Variants in AATF observed in about 807,000 individuals in gnomAD.
AATF encodes apoptosis antagonizing transcription factor, also known as protein AATF.
Under a neutral mutation model 63.7 loss-of-function variants are expected in AATF, and 48 were observed. That is an observed-to-expected ratio of 0.75 (90% CI 0.60 to 0.96). The LOEUF is 0.96. Ranked by LOEUF, AATF falls within the 40% of genes least tolerant of loss-of-function variation. The probability of loss-of-function intolerance (pLI) is 0.00; values close to 1 mark genes in which losing one functional copy is unlikely to be tolerated. For synonymous variants in AATF, 258 were observed against 247.7 expected (o/e 1.04, Z -0.39); for missense variants, 639 against 685.7 (o/e 0.93, Z 0.76).
chr17:37,032,713 C>T (rs1461478230), intron 11 of AATF, among the ~76,000 whole-genome samples: 2 of 152,032 alleles, frequency 1.3e-5, no homozygotes, highest in East Asian at 3.9e-4. Context: ...TCAGTATTTT[C>T]CTGTTTTTCT....
chr17:37,002,345 A>C (rs892284958), intron 8 of AATF, among the ~76,000 whole-genome samples: 1 of 152,126 alleles, frequency 6.6e-6, no homozygotes, highest in Admixed American at 6.6e-5. Flanking sequence ...GAATGACCTC[A>C]AAAGGAAATT....
intron 4 of AATF, among the ~76,000 whole-genome samples, chr17:36,961,035 GCACA>G (rs148947304): frequency 1.3e-5 from 2 of 151,424 alleles, no homozygotes; most frequent in African/African-American, 2.4e-5. Flanking sequence ...CTTTTCGCGT[GCACA>G]CACACACACA....
intron 8 of AATF, among the ~76,000 whole-genome samples, chr17:36,995,551 A>G (rs1041516820): frequency 1.3e-5 from 2 of 151,902 alleles, no homozygotes; most frequent in Non-Finnish European, 2.9e-5. Flanking sequence ...TGTTGTTTTT[A>G]TTTATCGATT....
intron 4 of AATF, among the ~76,000 whole-genome samples, chr17:36,976,446 A>G (rs1339015698): frequency 2.6e-5 from 4 of 152,216 alleles, no homozygotes; most frequent in African/African-American, 2.4e-5. Flanking sequence ...TTTTAAGGAT[A>G]TAGCTCTTGG....
intron 11 of AATF, among the ~76,000 whole-genome samples, chr17:37,037,394 G>A (rs1402154343): frequency 6.6e-6 from 1 of 152,140 alleles, no homozygotes. Context: ...AGAAGAAAAG[G>A]CTTGACATCT....
At chr17:36,953,728 A>G (rs1368430506) in intron 3 of AATF, 42 bp from the exon 4 acceptor site, 2 of 1,595,146 alleles carry the variant, frequency 1.3e-6, no homozygotes, top group East Asian at 2.2e-5. Flanking sequence ...CCCCCAGAAT[A>G]TTTTATTATT....
chr17:37,055,739 C>G (rs951983957), intron 11 of AATF: 1 of 152,298 alleles, frequency 6.6e-6, no homozygotes, highest in Non-Finnish European at 1.5e-5. Context: ...ACACGCCCAC[C>G]TCCCTGATGA....
chr17:37,046,786 C>G (rs2071697204), intron 11 of AATF, among the ~76,000 whole-genome samples: 1 of 151,762 alleles, frequency 6.6e-6, no homozygotes, highest in Non-Finnish European at 1.5e-5. Context: ...CACACACGCC[C>G]TGGGTTGTTG....
chr17:37,022,486 G>A (rs2071480280), intron 10 of AATF, among the ~76,000 whole-genome samples: 2 of 152,020 alleles, frequency 1.3e-5, no homozygotes, highest in African/African-American at 2.4e-5. Flanking sequence ...ATTTAGGGTC[G>A]CTTTTTTAAA....
intron 4 of AATF, among the ~76,000 whole-genome samples, chr17:36,960,996 T>G (rs530045185): frequency 6.6e-6 from 1 of 152,294 alleles, no homozygotes; most frequent in African/African-American, 2.4e-5. Flanking sequence ...ATAACCATAG[T>G]TGTCATTTTG....
intron 8 of AATF, among the ~76,000 whole-genome samples, chr17:37,011,675 A>G (rs1032738672): frequency 1.3e-5 from 2 of 152,324 alleles, no homozygotes; most frequent in East Asian, 3.9e-4. Flanking sequence ...TGGAGTAAAG[A>G]CAGAGAGATG....
At chr17:36,987,079 C>T (rs369558241) in intron 5 of AATF, among the ~76,000 whole-genome samples, 63 of 152,000 alleles carry the variant, frequency 4.1e-4, no homozygotes, top group Non-Finnish European at 6.5e-4. Flanking sequence ...CCTCAAACTC[C>T]TGGGCTTAAG....
chr17:37,016,711 CT>C (rs1008895980), intron 8 of AATF, among the ~76,000 whole-genome samples: 294 of 142,740 alleles, frequency 2.1e-3, no homozygotes, highest in Admixed American at 2.1e-3. Context: ...TCTCAAATCT[CT>C]TTTTTTTTTT....
At position 36,988,601 on chromosome 17, in the gene AATF, G is replaced by C; in HGVS notation, c.1030G>C (p.Glu344Gln). ...RRRVPAKRKL[E>Q]MEDYPSFMAK... Reference sequence around the variant, plus strand: ...AAGGGTCCCTGCAAAGAGGAAGCTGGAGATGGAGGACTATCCCAGCTTCAT... The same window carrying C: ...AAGGGTCCCTGCAAAGAGGAAGCTGCAGATGGAGGACTATCCCAGCTTCAT... The change falls in exon 6 of 12, where the codon GAG becomes CAG. Residue 344 changes from glutamate to glutamine, a missense_variant. Physicochemically the swap from Glu to Gln is conservative, Grantham distance 29 (BLOSUM62 2). Transcript: ENST00000619387. 1 of 1,614,206 alleles carries C rather than the reference G, an allele frequency of 6.2e-7. No homozygotes were observed. Among genetic ancestry groups the C allele is most frequent in the African/African-American group, 1.3e-5 (1 of 75,044 alleles).
chr17:37,009,769 A>C (rs1179427002), intron 8 of AATF, among the ~76,000 whole-genome samples: 1 of 131,132 alleles, frequency 7.6e-6, no homozygotes, highest in East Asian at 2.6e-4. Context: ...GTGAGCCGAG[A>C]TTGCGCCACT....
intron 11 of AATF, among the ~76,000 whole-genome samples, chr17:37,049,242 C>T (rs766726278): frequency 1.1e-4 from 16 of 152,138 alleles, no homozygotes; most frequent in Admixed American, 2.0e-4. Flanking sequence ...TAAAAGCATT[C>T]GCCTTGTTCT....
intron 8 of AATF, among the ~76,000 whole-genome samples, chr17:37,009,584 G>A (rs1282136977): frequency 2.0e-5 from 3 of 150,896 alleles, no homozygotes; most frequent in African/African-American, 7.3e-5. Flanking sequence ...TTGGGAGGCC[G>A]AGGCGGGTGG....
chr17:36,968,266 CTTTCTT>C lies in AATF; in HGVS notation c.832+14363_832+14368del, dbSNP rs2071009438. Among the ~76,000 whole-genome samples the C allele has an allele frequency of 7.9e-3, 600 of 75,540 alleles. 69 individuals are homozygous for C. The highest frequency in any genetic ancestry group is 0.024 in the African/African-American group (436 of 18,468). The allele number at this position is 75,540 out of a possible 152,430, so 49.6% of individuals were successfully genotyped here. On this transcript the variant is annotated intron_variant, in intron 4 of 11. Coordinates refer to ENST00000619387, the MANE Select transcript of AATF (RefSeq NM_012138.4). Reference sequence around the variant, plus strand: ...CTTTTTTCTTTTTCTTTCTTTCCTTCTTTCTTTTTTTTTTTTTTTTTTTTTTTTTTT... The same window carrying C: ...CTTTTTTCTTTTTCTTTCTTTCCTTCTTTTTTTTTTTTTTTTTTTTTTTTT...
At chr17:37,053,998 A>C (rs1158517847) in intron 11 of AATF, among the ~76,000 whole-genome samples, 2 of 152,252 alleles carry the variant, frequency 1.3e-5, no homozygotes, top group African/African-American at 4.8e-5. Flanking sequence ...TAACTATTTA[A>C]ACTTACTGTG....
Sources: gnomAD v4.1 joint callset for allele counts (sites outside exome capture counted in the v4.1 genomes callset) on GRCh38, gnomAD v4.1.1 for gene constraint, MANE v1.5 for transcripts, NCBI Gene and HGNC (gene_info 2026-07-23, HGNC 2026-07-21) for gene names.